ZFAT: variants seen among roughly 807,000 people sequenced by gnomAD.
The protein encoded by ZFAT is zinc finger protein ZFAT.
Under a neutral mutation model 117.7 loss-of-function variants are expected in ZFAT, and 64 were observed. That is an observed-to-expected ratio of 0.54 (90% CI 0.44 to 0.67). ZFAT has a LOEUF of 0.67. Among genes scored for constraint, ZFAT ranks in the 30% least tolerant of loss-of-function variants. The pLI is 0.00. For synonymous variants in ZFAT, 679 were observed against 615.0 expected (o/e 1.10, Z -1.54); for missense variants, 1,433 against 1,584.5 (o/e 0.90, Z 1.62).
At chr8:134,532,125 A>G (rs1204656883) in intron 12 of ZFAT, among the ~76,000 whole-genome samples, 1 of 152,254 alleles carries the variant, frequency 6.6e-6, no homozygotes, top group African/African-American at 2.4e-5. Context: ...GAATGTGATT[A>G]TTTATTGAAA....
chr8:134,725,774 G>A, the ZFAT span, among the ~76,000 whole-genome samples: 3 of 151,744 alleles, frequency 2.0e-5, no homozygotes, highest in Admixed American at 2.0e-4. Flanking sequence ...TTTTTGGTAA[G>A]TTAATTAAGT....
intron 10 of ZFAT, among the ~76,000 whole-genome samples, chr8:134,571,939 A>C (rs1035366821): frequency 8.5e-5 from 13 of 152,232 alleles, no homozygotes; most frequent in Non-Finnish European, 7.3e-5. Flanking sequence ...CCACCAAAAC[A>C]AAATAGCCAT....
intron 2 of ZFAT, among the ~76,000 whole-genome samples, chr8:134,647,410 C>T (rs1367777720): frequency 3.3e-5 from 5 of 152,134 alleles, no homozygotes; most frequent in African/African-American, 1.2e-4. Flanking sequence ...ACGACAGACC[C>T]AGAGCTAACA....
chr8:134,646,220 A>T (rs575022809), intron 2 of ZFAT, among the ~76,000 whole-genome samples: 1 of 152,330 alleles, frequency 6.6e-6, no homozygotes, highest in East Asian at 1.9e-4. Flanking sequence ...AAGAAAAAAG[A>T]ATGGAAATCA....
chr8:134,716,861 A>C (rs955316934), upstream of ZFAT, among the ~76,000 whole-genome samples: 7 of 152,358 alleles, frequency 4.6e-5, no homozygotes, highest in African/African-American at 1.4e-4. Context: ...TTTGGTAGAT[A>C]TGGGGTCCTA....
At chr8:134,660,027 G>GTTCT (rs1831849577) in intron 1 of ZFAT, among the ~76,000 whole-genome samples, 1 of 152,164 alleles carries the variant, frequency 6.6e-6, no homozygotes, top group East Asian at 1.9e-4. Flanking sequence ...TCCAGGAAAC[G>GTTCT]TTCTATTCCT....
chr8:134,480,686 G>A (rs1400448707), intron 15 of ZFAT, among the ~76,000 whole-genome samples: 5 of 152,222 alleles, frequency 3.3e-5, no homozygotes, highest in African/African-American at 9.6e-5. Flanking sequence ...CCCAGGAGGT[G>A]TAGGGAGCAG....
chr8:134,814,653 G>A, the ZFAT span, among the ~76,000 whole-genome samples: 3 of 152,084 alleles, frequency 2.0e-5, no homozygotes, highest in Non-Finnish European at 4.4e-5. Context: ...CTCTAAACAG[G>A]GACACTTAAC....
At chr8:134,646,212 G>T (rs1412224969) in intron 2 of ZFAT, among the ~76,000 whole-genome samples, 2 of 151,796 alleles carry the variant, frequency 1.3e-5, no homozygotes, top group African/African-American at 2.4e-5. Flanking sequence ...CCATCTCAAA[G>T]AAAAAAGAAT....
intron 1 of ZFAT, among the ~76,000 whole-genome samples, chr8:134,693,298 G>T (rs541737834): frequency 1.3e-5 from 2 of 152,174 alleles, no homozygotes; most frequent in Non-Finnish European, 2.9e-5. Flanking sequence ...TCACAAAAGC[G>T]GGGGCACGCT....
chr8:134,786,893 G>C, the ZFAT span, among the ~76,000 whole-genome samples: 1 of 149,434 alleles, frequency 6.7e-6, no homozygotes, highest in Non-Finnish European at 1.5e-5. Context: ...CTGTTGCCCA[G>C]GCTGGAGTGT....
chr8:134,535,603 C>T (rs1293559923), intron 11 of ZFAT, among the ~76,000 whole-genome samples: 2 of 151,492 alleles, frequency 1.3e-5, no homozygotes, highest in Non-Finnish European at 2.9e-5. Flanking sequence ...CTCTGGTTAC[C>T]GGATGCTTTG....
chr8:134,516,440 ATG>A (rs767340552), intron 13 of ZFAT, among the ~76,000 whole-genome samples: 4 of 152,138 alleles, frequency 2.6e-5, no homozygotes, highest in Non-Finnish European at 5.9e-5. Flanking sequence ...CTAATTTTTC[ATG>A]TGTTAGTTGA....
chr8:134,644,335 T>C (rs1281863074), intron 2 of ZFAT, among the ~76,000 whole-genome samples: 1 of 152,054 alleles, frequency 6.6e-6, no homozygotes, highest in Non-Finnish European at 1.5e-5. Flanking sequence ...AGAGAGAAAA[T>C]GGGAGAGCCA....
intron 14 of ZFAT, among the ~76,000 whole-genome samples, chr8:134,511,675 T>G (rs1819854245): frequency 6.6e-6 from 1 of 152,318 alleles, no homozygotes; most frequent in Admixed American, 6.5e-5. Flanking sequence ...TGTACAGGGC[T>G]GTGGTATGAA....
the ZFAT span, among the ~76,000 whole-genome samples, chr8:134,772,927 A>G: frequency 6.6e-6 from 1 of 151,500 alleles, no homozygotes; most frequent in South Asian, 2.1e-4. Flanking sequence ...GAACAAAACA[A>G]CAACAACAAA....
At chr8:134,738,079 A>G in the ZFAT span, among the ~76,000 whole-genome samples, 47,513 of 152,006 alleles carry the variant, frequency 0.31, 7,891 homozygotes, top group Non-Finnish European at 0.37. Context: ...TCATTATCTC[A>G]GTTCCTGTAG....
At chr8:134,805,422 C>T in the ZFAT span, among the ~76,000 whole-genome samples, 1 of 152,144 alleles carries the variant, frequency 6.6e-6, no homozygotes, top group South Asian at 2.1e-4. Context: ...GTTTTCCTGG[C>T]AGAGGATCTA....
chr8:134,591,070 T>C (rs1826467074), intron 7 of ZFAT, among the ~76,000 whole-genome samples: 1 of 152,126 alleles, frequency 6.6e-6, no homozygotes, highest in Non-Finnish European at 1.5e-5. Context: ...ACCTCAAGGC[T>C]GCGGGTCTAC....
Sources: allele counts gnomAD v4.1 joint callset (sites outside exome capture counted in the v4.1 genomes callset), GRCh38; gene constraint gnomAD v4.1.1; transcripts MANE v1.5; gene names NCBI Gene and HGNC (gene_info 2026-07-23, HGNC 2026-07-21).